MAD1L1: variants seen among roughly 807,000 people sequenced by gnomAD.
MAD1L1 encodes mitotic arrest deficient 1 like 1, also known as mitotic spindle assembly checkpoint protein MAD1.
In MAD1L1, 95 loss-of-function variants were observed where a neutral mutation model predicts 96.9. The ratio of observed to expected loss-of-function variants is 0.98; its 90% CI spans 0.83 to 1.16. The LOEUF is 1.16. MAD1L1 is among the 50% of genes most tolerant of loss of function. MAD1L1 has a pLI of 0.00. For synonymous variants in MAD1L1, 473 were observed against 396.6 expected (o/e 1.19, Z -2.29); for missense variants, 1,007 against 954.4 (o/e 1.06, Z -0.73).
At chr7:1,947,912 C>T (rs1218503368) in intron 16 of MAD1L1, among the ~76,000 whole-genome samples, 1 of 152,174 alleles carries the variant, frequency 6.6e-6, no homozygotes, top group African/African-American at 2.4e-5. Flanking sequence ...AGCTCCCAAG[C>T]AGGTAGAGGC....
At chr7:1,868,618 A>C (rs1784894179) in intron 18 of MAD1L1, among the ~76,000 whole-genome samples, 1 of 152,212 alleles carries the variant, frequency 6.6e-6, no homozygotes, top group East Asian at 1.9e-4. Flanking sequence ...CCAGCGCGTC[A>C]TGCGATACCC....
At chr7:2,075,528 C>T (rs3729620) in intron 11 of MAD1L1, among the ~76,000 whole-genome samples, 27,342 of 152,082 alleles carry the variant, frequency 0.18, 2,934 homozygotes, top group Middle Eastern at 0.33. Context: ...CTGGCATTTC[C>T]GTGAGCCTCT....
At chr7:2,041,854 C>G (rs958002094) in intron 12 of MAD1L1, among the ~76,000 whole-genome samples, 1 of 152,064 alleles carries the variant, frequency 6.6e-6, no homozygotes, top group Non-Finnish European at 1.5e-5. Flanking sequence ...ATACTGAACA[C>G]AAAACTCACT....
intron 12 of MAD1L1, among the ~76,000 whole-genome samples, chr7:2,063,231 G>A (rs1181462291): frequency 6.6e-6 from 1 of 152,252 alleles, no homozygotes; most frequent in East Asian, 1.9e-4. Context: ...TGGACGTGGG[G>A]TGGGTGGGAC....
In MAD1L1 at chr7:2,017,038, G is replaced by T. The variant is rs566012504; in HGVS notation, c.1219-2396C>A. Among the ~76,000 whole-genome samples, 10 of 152,348 alleles carry T rather than the reference G, an allele frequency of 6.6e-5. No individual in the cohort carries two copies. The South Asian group carries it at 1.9e-3, about 28-fold the overall frequency. On this transcript the variant is annotated intron_variant, in intron 12 of 18. Transcript: ENST00000265854. ...ATCTCTGAGAGCTTCTCTTCGTGAC[G>T]GCTCTCTTCAGCCTAACTCCAGGCT...
chr7:2,036,795 T>G (rs1471724729), intron 12 of MAD1L1, among the ~76,000 whole-genome samples: 1 of 152,052 alleles, frequency 6.6e-6, no homozygotes, highest in Non-Finnish European at 1.5e-5. Context: ...CCCAAGCAGG[T>G]GTCGGAAATG....
chr7:1,929,282 C>T (rs1357991117), intron 17 of MAD1L1, among the ~76,000 whole-genome samples: 1 of 152,210 alleles, frequency 6.6e-6, no homozygotes, highest in Non-Finnish European at 1.5e-5. Context: ...CTAGGATCAG[C>T]TGTGCCCACA....
At chr7:1,971,222 G>A (rs978105265) in intron 15 of MAD1L1, among the ~76,000 whole-genome samples, 2 of 152,208 alleles carry the variant, frequency 1.3e-5, no homozygotes, top group Non-Finnish European at 2.9e-5. Context: ...GCCTCTCACT[G>A]CAATCATGGC....
intron 10 of MAD1L1, among the ~76,000 whole-genome samples, chr7:2,162,435 G>A (rs1790198044): frequency 6.6e-6 from 1 of 152,100 alleles, no homozygotes. Flanking sequence ...CAAGTACCCA[G>A]GGACACAAAC....
At chr7:2,184,045 T>C (rs996828180) in intron 10 of MAD1L1, among the ~76,000 whole-genome samples, 2 of 151,646 alleles carry the variant, frequency 1.3e-5, no homozygotes, top group African/African-American at 2.4e-5. Context: ...GGTCAGGAAA[T>C]CGAGACCATC....
chr7:1,961,502 G>T (rs1246216333), intron 15 of MAD1L1, among the ~76,000 whole-genome samples: 3 of 151,986 alleles, frequency 2.0e-5, no homozygotes, highest in Non-Finnish European at 4.4e-5. Context: ...TTCAACAAAT[G>T]GTTCTGGAAC....
intron 10 of MAD1L1, among the ~76,000 whole-genome samples, chr7:2,207,800 G>C (rs138524679): frequency 2.6e-5 from 4 of 152,314 alleles, no homozygotes; most frequent in African/African-American, 9.6e-5. Context: ...GTCAGTGAAA[G>C]AGGAAGAGAA....
intron 17 of MAD1L1, among the ~76,000 whole-genome samples, chr7:1,906,291 G>A (rs187616313): frequency 1.2e-4 from 19 of 152,218 alleles, no homozygotes; most frequent in Non-Finnish European, 2.2e-4. Context: ...CTGCTACCCC[G>A]TCCAGGATAA....
chr7:1,928,632 G>C (rs1260145925), intron 17 of MAD1L1, among the ~76,000 whole-genome samples: 3 of 152,232 alleles, frequency 2.0e-5, no homozygotes, highest in Admixed American at 2.0e-4. Context: ...GCCGAACAGG[G>C]CTGGAGCCCC....
At chr7:1,846,047 GGGACAGCCACAC>G (rs1248519477) in intron 18 of MAD1L1, 1 of 152,724 alleles carries the variant, frequency 6.5e-6, no homozygotes, top group African/African-American at 2.4e-5. Flanking sequence ...CACTGGGGAA[GGGACAGCCACAC>G]AGGCAGTCTC....
rs145819136 is a variant in MAD1L1, at chr7:2,005,058, C to G, written c.1360-2937G>C. Among the ~76,000 whole-genome samples, 4 of 152,300 alleles carry G rather than the reference C, an allele frequency of 2.6e-5. No homozygotes were observed. In the East Asian group the frequency reaches 7.7e-4, roughly 29 times the overall value. Reference sequence around the variant, plus strand: ...GAGCAGCTCCCGTGAGAGTGCAGCCCCGGGATGCGGCCAGGAGGACGACCG... The same window carrying G: ...GAGCAGCTCCCGTGAGAGTGCAGCCGCGGGATGCGGCCAGGAGGACGACCG... On this transcript the variant is annotated intron_variant, in intron 13 of 18. Coordinates refer to ENST00000265854, the MANE Select transcript of MAD1L1 (RefSeq NM_001013836.2).
chr7:2,114,205 C>A lies in MAD1L1; in HGVS notation c.1073+34947G>T, dbSNP rs1787537686. Among the ~76,000 whole-genome samples, 1 of 152,188 alleles carries A rather than the reference C, an allele frequency of 6.6e-6. No homozygotes were observed. The highest frequency in any genetic ancestry group is 2.1e-4 in the South Asian group (1 of 4,828). On this transcript the variant is annotated intron_variant, in intron 11 of 18. Transcript: ENST00000265854. The surrounding 1 kb of genome is among the most constrained non-coding windows in gnomAD (Gnocchi z 4.2). The stretch of plus-strand genomic sequence containing the variant: ...AACATTATGTCAAAATGAAAAGTTC[C>A]CAGAAGAACATGCCAGACACATGAG...
intron 14 of MAD1L1, among the ~76,000 whole-genome samples, chr7:1,988,328 C>T: frequency 6.6e-6 from 1 of 152,184 alleles, no homozygotes; most frequent in Middle Eastern, 3.2e-3. Context: ...GCCCGGCCGT[C>T]CCCCGTTCAG....
At chr7:1,940,849 TGTAGTCAGCTGACCCCTG>T (rs1335383021) in intron 16 of MAD1L1, among the ~76,000 whole-genome samples, 6 of 147,208 alleles carry the variant, frequency 4.1e-5, no homozygotes, top group African/African-American at 1.5e-4. Flanking sequence ...AAGGCGGGGC[TGTAGTCAGCTGACCCCTG>T]GCAAGAACCA....
Sources: gnomAD v4.1 joint callset for allele counts (sites outside exome capture counted in the v4.1 genomes callset) on GRCh38, gnomAD v4.1.1 for gene constraint, Gnocchi (gnomAD v3.1) non-coding constraint, MANE v1.5 for transcripts, NCBI Gene and HGNC (gene_info 2026-07-23, HGNC 2026-07-21) for gene names.